Variants in HDGFL3 observed in about 807,000 individuals in gnomAD.
HDGFL3 encodes hepatoma-derived growth factor-related protein 3.
Under a neutral mutation model 27.6 loss-of-function variants are expected in HDGFL3, and 6 were observed. The observed-to-expected ratio is 0.22, with a 90% CI of 0.12 to 0.43. The LOEUF is 0.43. Among genes scored for constraint, HDGFL3 ranks in the 20% least tolerant of loss-of-function variants. The pLI, the probability that HDGFL3 is intolerant of heterozygous loss-of-function variation, is 1.00. For synonymous variants in HDGFL3, 88 were observed against 88.9 expected, an observed-to-expected ratio of 0.99 and a Z score of 0.05; for missense variants, 207 against 250.1, an observed-to-expected ratio of 0.83 and a Z score of 1.16.
intron 5 of HDGFL3, chr15:83,144,586 C>T (rs2167601): frequency 2.2e-6 from 1 of 454,352 alleles, no homozygotes; most frequent in Non-Finnish European, 4.4e-6. Flanking sequence ...GAGGAGGCCT[C>T]TGGGAAACAA....
chr15:83,165,318 C>T lies in HDGFL3; in HGVS notation c.85-1243G>A, dbSNP rs117039601. 5.0e-3 allele frequency among the ~76,000 whole-genome samples: 764 copies of T among 152,328 alleles called. 4 individuals are homozygous for T. The highest frequency in any genetic ancestry group is 5.3e-3 in the Non-Finnish European group (361 of 68,032). ...GTGTGATCTTGGGCCAGTCACTCAA[C>T]TGCAGTTTCTTTATCTCTTCACATA... On this transcript the variant is annotated intron_variant, in intron 1 of 5. Coordinates refer to ENST00000299633, the MANE Select transcript of HDGFL3 (RefSeq NM_016073.4).
intron 4 of HDGFL3, among the ~76,000 whole-genome samples, chr15:83,156,988 C>T (rs771251499): frequency 7.2e-5 from 11 of 152,128 alleles, no homozygotes; most frequent in South Asian, 2.1e-4. Flanking sequence ...TGAGCCACCG[C>T]GCCCAGCCAT....
chr15:83,128,095 CAAGG>C lies in HDGFL3; in HGVS notation c.*11171_*11174del, dbSNP rs1294652249. ...TAGCAAAACAAATCAATCTTCTGAA[CAAGG>C]AAGAAAATTAATTTTTCTTACTAGA... On this transcript the variant is annotated 3_prime_UTR_variant, in exon 6 of 6. Coordinates refer to ENST00000299633, the MANE Select transcript of HDGFL3 (RefSeq NM_016073.4). 6.6e-6 allele frequency: 1 copy of C among 152,106 alleles called. No individual in the cohort carries two copies. The highest frequency in any genetic ancestry group is 1.5e-5 in the Non-Finnish European group (1 of 68,012). 9.4% of individuals were successfully genotyped at this position (152,106 alleles called of 1,614,324 possible).
chr15:83,165,527 C>T (rs892461144), intron 1 of HDGFL3, among the ~76,000 whole-genome samples: 24 of 152,182 alleles, frequency 1.6e-4, no homozygotes, highest in Admixed American at 3.9e-4. Flanking sequence ...CTACCCACCT[C>T]TTATCAACTG....
chr15:83,175,031 G>GA (rs2037291762), intron 1 of HDGFL3, among the ~76,000 whole-genome samples: 1 of 152,270 alleles, frequency 6.6e-6, no homozygotes, highest in African/African-American at 2.4e-5. Flanking sequence ...ATATGAAAGT[G>GA]AAAAAATCTA....
chr15:83,170,965 A>G (rs1173429270), intron 1 of HDGFL3, among the ~76,000 whole-genome samples: 2 of 152,332 alleles, frequency 1.3e-5, no homozygotes, highest in African/African-American at 2.4e-5. Context: ...AAGCCAAGAA[A>G]CACGAAAAAA....
At chr15:83,148,104 TA>T (rs1436240141) in intron 5 of HDGFL3, among the ~76,000 whole-genome samples, 2 of 152,188 alleles carry the variant, frequency 1.3e-5, no homozygotes, top group Non-Finnish European at 2.9e-5. Context: ...TGGCAATAAT[TA>T]AAAAGCCTGA....
At chr15:83,154,042 C>T (rs2036996016) in intron 4 of HDGFL3, among the ~76,000 whole-genome samples, 1 of 151,748 alleles carries the variant, frequency 6.6e-6, no homozygotes, top group Admixed American at 6.6e-5. Context: ...AGGCCGGGCA[C>T]AGTGGCTCAC....
At chr15:83,143,195 A>G (rs889530252) in intron 5 of HDGFL3, among the ~76,000 whole-genome samples, 1 of 152,052 alleles carries the variant, frequency 6.6e-6, no homozygotes, top group Admixed American at 6.5e-5. Flanking sequence ...TATTTTTTGT[A>G]GAGATGGGGT....
downstream of HDGFL3, among the ~76,000 whole-genome samples, chr15:83,123,381 C>G (rs1188091289): frequency 1.3e-5 from 2 of 152,350 alleles, no homozygotes; most frequent in East Asian, 1.9e-4. Flanking sequence ...CCCTTCCATT[C>G]ACAGCCAAGG....
In HDGFL3 at chr15:83,136,650, A is replaced by G; in HGVS notation, c.*2620T>C. ...AAACCAGAGTTCTTCATAAAAACAA[A>G]GGCAGAAGAAAAAGTGGAATAAAAA... On this transcript the variant is annotated 3_prime_UTR_variant, in exon 6 of 6. Coordinates refer to ENST00000299633, the MANE Select transcript of HDGFL3 (RefSeq NM_016073.4). 1 of 1,591,894 alleles carries G rather than the reference A, an allele frequency of 6.3e-7. No homozygotes were observed. Among genetic ancestry groups the G allele is most frequent in the South Asian group, 1.2e-5 (1 of 86,282 alleles).
At chr15:83,171,421 C>G (rs999782253) in intron 1 of HDGFL3, among the ~76,000 whole-genome samples, 4 of 152,094 alleles carry the variant, frequency 2.6e-5, no homozygotes, top group African/African-American at 9.7e-5. Flanking sequence ...ACAAATTGTT[C>G]TACCAAAAAG....
chr15:83,156,602 T>C (rs2037032621), intron 4 of HDGFL3, among the ~76,000 whole-genome samples: 1 of 152,228 alleles, frequency 6.6e-6, no homozygotes, highest in Admixed American at 6.5e-5. Context: ...ACAGACCACA[T>C]ATACGAAGCC....
Position 83,139,108 on chromosome 15 carries a change from G to T in HDGFL3, c.*162C>A. On this transcript the variant is annotated 3_prime_UTR_variant, in exon 6 of 6. Coordinates refer to ENST00000299633, the MANE Select transcript of HDGFL3 (RefSeq NM_016073.4). ...AAAGGCTAAAATGTCTTTTCCCCCCGAAACACAACAGAGAGGAATATGAAT... is the reference window on the plus strand; with the variant it reads ...AAAGGCTAAAATGTCTTTTCCCCCCTAAACACAACAGAGAGGAATATGAAT... The T allele has an allele frequency of 2.3e-6, 1 of 428,620 alleles. No homozygotes were observed. The highest frequency in any genetic ancestry group is 2.0e-5 in the African/African-American group (1 of 49,826). 26.6% of individuals were successfully genotyped at this position (428,620 alleles called of 1,614,324 possible). A position where few individuals can be genotyped will look rare whatever the true frequency, so the allele number is the denominator to read the frequency against.
chr15:83,202,753 A>T (rs533140573), intron 1 of HDGFL3, among the ~76,000 whole-genome samples: 1 of 152,236 alleles, frequency 6.6e-6, no homozygotes, highest in Admixed American at 6.5e-5. Context: ...CATCCAGATC[A>T]AGACAGGGAA....
chr15:83,157,609 T>C, intron 3 of HDGFL3, 36 bp from the exon 4 acceptor site: 1 of 1,553,650 alleles, frequency 6.4e-7, no homozygotes, highest in Non-Finnish European at 8.8e-7. Flanking sequence ...ATTACATTTT[T>C]GAAAAAATAG....
At chr15:83,179,567 A>T (rs1321636054) in intron 1 of HDGFL3, among the ~76,000 whole-genome samples, 1 of 152,196 alleles carries the variant, frequency 6.6e-6, no homozygotes, top group African/African-American at 2.4e-5. Context: ...GGTTCTCCAT[A>T]GGCAAAGCCT....
chr15:83,142,834 T>G (rs189774783), intron 5 of HDGFL3, among the ~76,000 whole-genome samples: 3 of 152,186 alleles, frequency 2.0e-5, no homozygotes, highest in Non-Finnish European at 4.4e-5. Flanking sequence ...TTAAAAAGAT[T>G]TGCAAAAATG....
At chr15:83,152,775 C>T (rs2036979406) in intron 4 of HDGFL3, among the ~76,000 whole-genome samples, 1 of 151,276 alleles carries the variant, frequency 6.6e-6, no homozygotes, top group Admixed American at 6.6e-5. Flanking sequence ...TTAACTGAAA[C>T]TACCAGCCAA....
Sources: allele counts gnomAD v4.1 joint callset (sites outside exome capture counted in the v4.1 genomes callset), GRCh38; gene constraint gnomAD v4.1.1; transcripts MANE v1.5; gene names NCBI Gene and HGNC (gene_info 2026-07-23, HGNC 2026-07-21).